CACNA1E: variants seen among roughly 807,000 people sequenced by gnomAD.
CACNA1E encodes voltage-dependent R-type calcium channel subunit alpha-1E.
CACNA1E carries 40 observed loss-of-function variants against 259.2 expected under a neutral mutation model. The observed-to-expected ratio is 0.15, with a 90% CI of 0.12 to 0.20. CACNA1E has a LOEUF of 0.20. CACNA1E is among the 10% of genes least tolerant of loss of function. The pLI, the probability that CACNA1E is intolerant of heterozygous loss-of-function variation, is 1.00. For missense variants in CACNA1E, 1,874 were observed against 3,040.1 expected (o/e 0.62, Z 9.02); for synonymous variants, 1,104 against 1,138.5 (o/e 0.97, Z 0.61).
intron 7 of CACNA1E, among the ~76,000 whole-genome samples, chr1:181,690,507 G>A (rs1341892527): frequency 2.0e-5 from 3 of 152,130 alleles, no homozygotes; most frequent in South Asian, 2.1e-4. Flanking sequence ...TTCCAATTCT[G>A]TGAAGAAAGT....
intron 7 of CACNA1E, among the ~76,000 whole-genome samples, chr1:181,668,521 CGCTGGGCCA>C (rs1157423879): frequency 1.3e-5 from 2 of 152,110 alleles, no homozygotes; most frequent in Non-Finnish European, 2.9e-5. Context: ...AGAGTGCAGT[CGCTGGGCCA>C]TATGGTAAGT....
chr1:181,461,399 G>A (rs2102375787), intron 2 of CACNA1E, among the ~76,000 whole-genome samples: 1 of 151,866 alleles, frequency 6.6e-6, no homozygotes, highest in East Asian at 1.9e-4. Context: ...AAATTAGCCG[G>A]GCGTGGTGGC....
intron 32 of CACNA1E, among the ~76,000 whole-genome samples, chr1:181,760,718 A>G (rs1245238522): frequency 6.6e-6 from 1 of 152,218 alleles, no homozygotes; most frequent in Non-Finnish European, 1.5e-5. Flanking sequence ...AAGGTTGAAT[A>G]CTTTGGCCAA....
intron 26 of CACNA1E, among the ~76,000 whole-genome samples, chr1:181,751,470 G>C (rs1270817551): frequency 6.6e-6 from 1 of 152,218 alleles, no homozygotes; most frequent in Non-Finnish European, 1.5e-5. Context: ...GCCACACAGA[G>C]GTACTGGGGT....
At chr1:181,502,408 CT>C (rs1357046614) in intron 1 of CACNA1E, among the ~76,000 whole-genome samples, 18 of 152,172 alleles carry the variant, frequency 1.2e-4, no homozygotes, top group African/African-American at 3.9e-4. Flanking sequence ...GGGCTGGTCT[CT>C]TTTGGGCTGC....
intron 5 of CACNA1E, among the ~76,000 whole-genome samples, 158 bp from the exon 6 acceptor site, chr1:181,580,437 G>T (rs933390177): frequency 6.6e-6 from 1 of 152,190 alleles, no homozygotes; most frequent in African/African-American, 2.4e-5. Context: ...GAGCTGGGAG[G>T]TGCAGAGAGG....
At chr1:181,538,420 C>T (rs1572141637) in intron 3 of CACNA1E, among the ~76,000 whole-genome samples, 1 of 152,186 alleles carries the variant, frequency 6.6e-6, no homozygotes, top group African/African-American at 2.4e-5. Flanking sequence ...TGAATACCAG[C>T]ATCCAGCACA....
intron 3 of CACNA1E, among the ~76,000 whole-genome samples, chr1:181,568,654 G>GT (rs1162672796): frequency 2.8e-4 from 43 of 152,106 alleles, no homozygotes; most frequent in Non-Finnish European, 5.4e-4. Context: ...GGAGTGCAGT[G>GT]GCATGATCGT....
At chr1:181,611,678 T>C (rs141047625) in intron 6 of CACNA1E, among the ~76,000 whole-genome samples, 57 of 152,298 alleles carry the variant, frequency 3.7e-4, no homozygotes, top group Middle Eastern at 3.4e-3. Flanking sequence ...GGGTGCTTCC[T>C]GACTTAGAAA....
At chr1:181,408,544 G>A (rs138343424) in intron 1 of CACNA1E, among the ~76,000 whole-genome samples, 2 of 152,274 alleles carry the variant, frequency 1.3e-5, no homozygotes, top group Middle Eastern at 6.8e-3. Context: ...CTATGAGCTC[G>A]AGTGTTTTTG....
At chr1:181,334,412 T>C (rs960295520) in intron 1 of CACNA1E, among the ~76,000 whole-genome samples, 6 of 152,236 alleles carry the variant, frequency 3.9e-5, no homozygotes, top group Non-Finnish European at 7.3e-5. Flanking sequence ...TCTTCCTGAA[T>C]GCTACACGTG....
chr1:181,609,096 AATGAAT>A (rs1654506748), intron 6 of CACNA1E, among the ~76,000 whole-genome samples: 1 of 152,200 alleles, frequency 6.6e-6, no homozygotes, highest in Non-Finnish European at 1.5e-5. Flanking sequence ...TTAGCACCTG[AATGAAT>A]GCTTTGCCCA....
intron 3 of CACNA1E, among the ~76,000 whole-genome samples, chr1:181,537,095 C>CTTTTTTT (rs201514362): frequency 1.3e-4 from 15 of 112,644 alleles, no homozygotes; most frequent in African/African-American, 2.6e-4. Context: ...TTTTTCTTTT[C>CTTTTTTT]TTTTTTTTTT....
chr1:181,524,171 A>G (rs781425855), intron 3 of CACNA1E, among the ~76,000 whole-genome samples: 2 of 152,254 alleles, frequency 1.3e-5, no homozygotes, highest in Non-Finnish European at 1.5e-5. Context: ...GAGAGGGCTT[A>G]TGCTCATCCC....
intron 1 of CACNA1E, among the ~76,000 whole-genome samples, chr1:181,493,332 C>T (rs552824453): frequency 6.0e-4 from 92 of 152,290 alleles, no homozygotes; most frequent in African/African-American, 2.2e-3. Flanking sequence ...GATACGGTTG[C>T]ACTGGGCTGT....
chr1:181,587,680 G>A (rs1334496766), intron 6 of CACNA1E, among the ~76,000 whole-genome samples: 4 of 152,020 alleles, frequency 2.6e-5, no homozygotes, highest in Admixed American at 2.0e-4. Context: ...TCAGGAGATC[G>A]AGACCATCCT....
rs74844297 is a variant in CACNA1E at position 181,420,588 on chromosome 1, T to C, written c.434+7008T>C. ...AGGAGAGAAAAATGAGCTCCGAAGT[T>C]AGAGGTGGTACTAGGTCAAAAACCT... On this transcript the variant is annotated intron_variant, in intron 2 of 11. Transcript: ENST00000524607. Among the ~76,000 whole-genome samples, 206 of 152,320 alleles carry C rather than the reference T, an allele frequency of 1.4e-3. 1 individual carries two copies. The highest frequency in any genetic ancestry group is 4.8e-3 in the African/African-American group (198 of 41,576).
At chr1:181,424,227 A>G (rs1658987153) in intron 2 of CACNA1E, among the ~76,000 whole-genome samples, 1 of 152,260 alleles carries the variant, frequency 6.6e-6, no homozygotes, top group African/African-American at 2.4e-5. Flanking sequence ...AATTCTGAGC[A>G]GAGCAGGAAG....
chr1:181,674,347 C>T (rs557231614), intron 7 of CACNA1E, among the ~76,000 whole-genome samples: 2 of 134,170 alleles, frequency 1.5e-5, no homozygotes, highest in East Asian at 2.2e-4. Context: ...GAGCCGAGAT[C>T]GCGCCACTGT....
Sources: gnomAD v4.1 joint callset for allele counts (sites outside exome capture counted in the v4.1 genomes callset) on GRCh38, gnomAD v4.1.1 for gene constraint, MANE v1.5 for transcripts, NCBI Gene and HGNC (gene_info 2026-07-23, HGNC 2026-07-21) for gene names.